AGTPBP1: variants seen among roughly 807,000 people sequenced by gnomAD.
The protein encoded by AGTPBP1 is ATP/GTP binding carboxypeptidase 1.
AGTPBP1 carries 70 observed loss-of-function variants against 143.9 expected under a neutral mutation model. That is an observed-to-expected ratio of 0.49 (90% confidence interval 0.40 to 0.59). The LOEUF (loss-of-function observed/expected upper bound fraction) is 0.59. Among genes scored for constraint, AGTPBP1 ranks in the 20% least tolerant of loss-of-function variants. The probability of loss-of-function intolerance (pLI) is 0.00; values close to 1 mark genes in which losing one functional copy is unlikely to be tolerated. For synonymous variants in AGTPBP1, 463 were observed against 500.2 expected (o/e 0.93, Z 0.99); for missense variants, 1,229 against 1,464.5 (o/e 0.84, Z 2.62).
chr9:85,547,017 T>C lies in AGTPBP1; in HGVS notation c.*92A>G. 7.4e-7 allele frequency: 1 copy of C among 1,347,074 alleles called. No individual in the cohort carries two copies. Among genetic ancestry groups the C allele is most frequent in the Non-Finnish European group, 9.9e-7 (1 of 1,015,084 alleles). 83.4% of individuals were successfully genotyped at this position (1,347,074 alleles called of 1,614,324 possible). On this transcript the variant is annotated 3_prime_UTR_variant, in exon 26 of 26. Transcript: ENST00000357081. ...TTACTTTTTGTCTTTTTGAGTCAGC[T>C]CTGTATAAACTCATTTCTCTCAAGC... is the stretch of plus-strand genomic sequence containing the variant.
upstream of AGTPBP1, among the ~76,000 whole-genome samples, chr9:85,745,778 A>G (rs1304740871): frequency 6.6e-6 from 1 of 152,210 alleles, no homozygotes; most frequent in Non-Finnish European, 1.5e-5. Flanking sequence ...CAGGAGGATC[A>G]ATTGGTGATA....
intron 15 of AGTPBP1, among the ~76,000 whole-genome samples, chr9:85,620,386 C>G (rs1830851446): frequency 6.7e-6 from 1 of 148,870 alleles, no homozygotes; most frequent in Non-Finnish European, 1.5e-5. Context: ...AGCACTCCAG[C>G]CAGCCTAGGA....
At position 85,589,478 on chromosome 9, in the gene AGTPBP1, T is replaced by C. The variant is rs555825828; in HGVS notation, c.2722+50A>G. ...CATTATAAAATACGGTTAAAGCAAATCAAAGTAGGTGAGAATGACTGCTAT... is the reference window on the plus strand; with the variant it reads ...CATTATAAAATACGGTTAAAGCAAACCAAAGTAGGTGAGAATGACTGCTAT... On this transcript the variant is annotated intron_variant, in intron 20 of 25. Transcript: ENST00000357081. 7 of 1,550,328 alleles carry C rather than the reference T, an allele frequency of 4.5e-6. No individual in the cohort carries two copies. The East Asian group carries it at 9.1e-5, about 20-fold the overall frequency.
chr9:85,583,678 A>T (rs775993171), intron 23 of AGTPBP1, among the ~76,000 whole-genome samples: 4 of 152,076 alleles, frequency 2.6e-5, no homozygotes, highest in Non-Finnish European at 5.9e-5. Flanking sequence ...CAATGGAAAA[A>T]CTGTTTTGCA....
chr9:85,664,452 T>G (rs911068637), intron 8 of AGTPBP1, among the ~76,000 whole-genome samples: 1 of 152,190 alleles, frequency 6.6e-6, no homozygotes, highest in Admixed American at 6.6e-5. Flanking sequence ...CATTTTTATA[T>G]GATTTTTAAA....
intron 1 of AGTPBP1, among the ~76,000 whole-genome samples, chr9:85,740,587 A>G (rs1168728379): frequency 2.0e-5 from 3 of 152,260 alleles, no homozygotes; most frequent in Non-Finnish European, 2.9e-5. Context: ...ACATTCCACA[A>G]TACAATTACA....
the AGTPBP1 span, among the ~76,000 whole-genome samples, chr9:85,785,341 A>G: frequency 2.0e-5 from 3 of 150,042 alleles, no homozygotes; most frequent in African/African-American, 7.6e-5. Context: ...CTCAAAAAAA[A>G]ACAAACAAAA....
intron 17 of AGTPBP1, among the ~76,000 whole-genome samples, chr9:85,609,574 C>T (rs1830195184): frequency 6.6e-6 from 1 of 152,166 alleles, no homozygotes; most frequent in East Asian, 1.9e-4. Context: ...AGCCACCGCG[C>T]CCGGCCAGAT....
intron 1 of AGTPBP1, among the ~76,000 whole-genome samples, chr9:85,734,614 AGTGTTGAT>A (rs1839115241): frequency 6.6e-6 from 1 of 152,216 alleles, no homozygotes; most frequent in South Asian, 2.1e-4. Context: ...CAAAATAGTA[AGTGTTGAT>A]GTGCATAGAT....
intron 25 of AGTPBP1, among the ~76,000 whole-genome samples, chr9:85,568,562 G>A (rs1470138519): frequency 4.6e-5 from 7 of 152,124 alleles, no homozygotes; most frequent in East Asian, 3.9e-4. Context: ...CTGGGACACC[G>A]ATAATGGTTT....
At position 85,547,128 on chromosome 9, in the gene AGTPBP1, G is replaced by A. The variant is rs1432181858; in HGVS notation, c.3662C>T (p.Ser1221Leu). 2 of 1,611,474 alleles carry A rather than the reference G, an allele frequency of 1.2e-6. No homozygotes were observed. Among genetic ancestry groups the A allele is most frequent in the Admixed American group, 1.7e-5 (1 of 59,412 alleles). Residue 1221 changes from serine to leucine, a missense_variant, in exon 26 of 26, where the codon TCA (serine) becomes TTA (leucine). Transcript: ENST00000357081. ...QEEVLSDSEL[S>L]RTYLP The stretch of plus-strand genomic sequence containing the variant: ...GCGGGCTCAAGGTAGGTATGTTCTT[G>A]ATAATTCAGAGTCAGAAAGTACTTC...
intron 11 of AGTPBP1, among the ~76,000 whole-genome samples, chr9:85,650,170 T>C (rs1227853833): frequency 6.6e-6 from 1 of 151,870 alleles, no homozygotes; most frequent in Non-Finnish European, 1.5e-5. Flanking sequence ...TGATTGCATA[T>C]TCAATTTCAA....
At chr9:85,610,091 T>G (rs2133419614) in intron 17 of AGTPBP1, among the ~76,000 whole-genome samples, 1 of 152,280 alleles carries the variant, frequency 6.6e-6, no homozygotes, top group Non-Finnish European at 1.5e-5. Context: ...GGCAAAGCGG[T>G]GAGAATGCTA....
chr9:85,669,014 TACACACACACACACACACAC>T (rs139321417), intron 8 of AGTPBP1, among the ~76,000 whole-genome samples: 1 of 120,514 alleles, frequency 8.3e-6, no homozygotes, highest in Non-Finnish European at 1.7e-5. Flanking sequence ...TGTGTATACA[TACACACACACACACACACAC>T]ACACATCTCA....
chr9:85,619,493 A>T (rs1391249968), intron 15 of AGTPBP1, among the ~76,000 whole-genome samples, 192 bp from the exon 16 acceptor site: 1 of 152,206 alleles, frequency 6.6e-6, no homozygotes, highest in Non-Finnish European at 1.5e-5. Context: ...AAAACTTATA[A>T]TAAGAGATTT....
intron 17 of AGTPBP1, among the ~76,000 whole-genome samples, chr9:85,618,341 C>G (rs1369805473): frequency 6.6e-6 from 1 of 152,070 alleles, no homozygotes; most frequent in African/African-American, 2.4e-5. Flanking sequence ...AGAATTAACA[C>G]CAATGCTACA....
chr9:85,753,523 G>T, the AGTPBP1 span: 4 of 1,487,862 alleles, frequency 2.7e-6, no homozygotes, highest in Non-Finnish European at 2.7e-6. Flanking sequence ...GGACGCTGAG[G>T]TGGGTGGATC....
In AGTPBP1 at chr9:85,633,172, A is replaced by G. The variant is rs377390454; in HGVS notation, c.1505T>C (p.Ile502Thr). Residue 502 changes from isoleucine to threonine, a missense_variant, in exon 14 of 26, where the codon ATT (isoleucine) becomes ACT (threonine). Physicochemically the swap from Ile to Thr is moderately conservative, Grantham distance 89. Transcript: ENST00000357081. ...TTGTAATGTTCTATCATTATCTTTA[A>G]TATCTTCTTTTGCTAGATCCATAAA... ...STFMDLAKED[I>T]KDNDRTLQQQ... The G allele has an allele frequency of 8.1e-6, 13 of 1,613,302 alleles. No homozygotes were observed. In the African/African-American group the frequency reaches 1.1e-4, roughly 13 times the overall value.
At chr9:85,747,384 AGG>A in the AGTPBP1 span, among the ~76,000 whole-genome samples, 3 of 152,212 alleles carry the variant, frequency 2.0e-5, no homozygotes, top group East Asian at 3.8e-4. Flanking sequence ...TGTGAATTTG[AGG>A]ATGGGCTTTT....
Sources: gnomAD v4.1 joint callset for allele counts (sites outside exome capture counted in the v4.1 genomes callset) on GRCh38, gnomAD v4.1.1 for gene constraint, MANE v1.5 for transcripts, NCBI Gene and HGNC (gene_info 2026-07-23, HGNC 2026-07-21) for gene names.